The following APH1B variants were observed in gnomAD, a reference collection of about 807,000 sequenced individuals.
APH1B encodes the protein gamma-secretase subunit APH-1B.
A neutral mutation model predicts 28.2 loss-of-function variants in APH1B; 27 were observed. The observed-to-expected ratio is 0.96, with a 90% confidence interval of 0.70 to 1.32. The LOEUF (loss-of-function observed/expected upper bound fraction) is 1.32, where lower values mean the gene tolerates loss of function less well. APH1B is among the 40% of genes most tolerant of loss of function. APH1B has a pLI of 0.00. For missense variants in APH1B, 305 were observed against 313.6 expected (o/e 0.97, Z 0.21); for synonymous variants, 141 against 124.6 (o/e 1.13, Z -0.88).
At chr15:63,293,075 A>G (rs1595762120) in intron 4 of APH1B, among the ~76,000 whole-genome samples, 1 of 151,680 alleles carries the variant, frequency 6.6e-6, no homozygotes, top group South Asian at 2.1e-4. Context: ...TTCTCTATAG[A>G]CCTTGTTTCT....
intron 4 of APH1B, among the ~76,000 whole-genome samples, chr15:63,293,935 T>C (rs2038534824): frequency 6.6e-6 from 1 of 152,022 alleles, no homozygotes; most frequent in Admixed American, 6.5e-5. Flanking sequence ...GCTAATTTTT[T>C]TTTTTTTCCT....
chr15:63,304,716 C>A lies in APH1B; in HGVS notation c.607-898C>A, dbSNP rs1380310102. Among the ~76,000 whole-genome samples the A allele has an allele frequency of 6.6e-6, 1 of 152,068 alleles. No individual in the cohort carries two copies. Among genetic ancestry groups the A allele is most frequent in the Non-Finnish European group, 1.5e-5 (1 of 67,998 alleles). On this transcript the variant is annotated intron_variant, in intron 5 of 5. Coordinates refer to ENST00000261879, the MANE Select transcript of APH1B (RefSeq NM_031301.4). This position sits in a 1 kb window ranked among gnomAD's most constrained non-coding sequence, Gnocchi z 5.1. ...TTGGGTTGTAATTTTCTACAACAAT[C>A]ATGTATTGCTTTTGTAATTGTTTAA...
chr15:63,280,482 CTT>C (rs150565743), intron 2 of APH1B, among the ~76,000 whole-genome samples: 9,929 of 152,280 alleles, frequency 0.065, 448 homozygotes, highest in Middle Eastern at 0.16. Context: ...AACAACAACT[CTT>C]TTCATAGGCT....
At chr15:63,284,416 G>C (rs1267530856) in intron 2 of APH1B, among the ~76,000 whole-genome samples, 11 of 152,078 alleles carry the variant, frequency 7.2e-5, no homozygotes, top group Non-Finnish European at 8.8e-5. Context: ...GATTCACCAT[G>C]TTGCCCAACC....
chr15:63,297,390 C>G (rs1296744044), intron 4 of APH1B, among the ~76,000 whole-genome samples: 1 of 151,994 alleles, frequency 6.6e-6, no homozygotes, highest in East Asian at 1.9e-4. Context: ...TTAGTCGGGC[C>G]TGGTGGTGCA....
At chr15:63,305,465 C>T in intron 5 of APH1B, 149 bp from the exon 6 acceptor site, 1 of 844,654 alleles carries the variant, frequency 1.2e-6, no homozygotes, top group Non-Finnish European at 1.8e-6. Context: ...CTACATGCCT[C>T]AGGGCCTTAA....
At position 63,306,461 on chromosome 15, in the gene APH1B, A is replaced by C. The variant is rs1232464654; in HGVS notation, c.*680A>C. ...TTTCTGAGGCATTACATTGTTTTTG[A>C]GTATAGATTACATTTTATTAACTAA... On this transcript the variant is annotated 3_prime_UTR_variant, in exon 6 of 6. Coordinates refer to ENST00000261879, the MANE Select transcript of APH1B (RefSeq NM_031301.4). The C allele has an allele frequency of 6.6e-6, 1 of 152,224 alleles. No homozygotes were observed. The highest frequency in any genetic ancestry group is 1.5e-5 in the Non-Finnish European group (1 of 68,052). The allele number at this position is 152,224 out of a possible 1,614,324, so 9.4% of individuals were successfully genotyped here. A position where few individuals can be genotyped will look rare whatever the true frequency, so the allele number is the denominator to read the frequency against.
intron 1 of APH1B, chr15:63,278,440 C>T (rs1399810976): frequency 2.3e-6 from 1 of 439,756 alleles, no homozygotes; most frequent in Non-Finnish European, 4.6e-6. Flanking sequence ...TGATGAGTCT[C>T]TCTTGGCACC....
intron 4 of APH1B, 69 bp downstream of exon 4, chr15:63,287,615 G>A: frequency 6.5e-7 from 1 of 1,533,394 alleles, no homozygotes; most frequent in Non-Finnish European, 8.8e-7. Context: ...GGGTTCACTG[G>A]CTTAGGAATT....
chr15:63,305,738 G>A lies in APH1B; in HGVS notation c.731G>A (p.Cys244Tyr). ...CGAAGCCTGAAACTCTGCCTGCTCTGCCAAGACAAGAACTTTCTTCTTTAC... is the reference window on the plus strand; with the variant it reads ...CGAAGCCTGAAACTCTGCCTGCTCTACCAAGACAAGAACTTTCTTCTTTAC... Reference protein sequence around the residue: ...SCRSLKLCLLCQDKNFLLYNQ... With the variant: ...SCRSLKLCLLYQDKNFLLYNQ... Residue 244 changes from cysteine to tyrosine, a missense_variant, in exon 6 of 6, where the codon TGC becomes TAC. By Grantham distance (194) the Cys-to-Tyr change is radical. Transcript: ENST00000261879. 6.2e-7 allele frequency: 1 copy of A among 1,614,152 alleles called. No individual in the cohort carries two copies. Among genetic ancestry groups the A allele is most frequent in the Non-Finnish European group, 8.5e-7 (1 of 1,180,032 alleles).
intron 5 of APH1B, 126 bp from the exon 6 acceptor site, chr15:63,305,488 A>G (rs2038676390): frequency 2.8e-6 from 3 of 1,069,216 alleles, no homozygotes; most frequent in Non-Finnish European, 4.1e-6. Context: ...CATGACACAC[A>G]TCATACGTTT....
chr15:63,305,825 G>T lies in APH1B; in HGVS notation c.*44G>T. Reference sequence around the variant, plus strand: ...TCCCAAACCGCAGACTACATCTTTAGAGGAAGCACAACTGTGCCTTTTTCT... The same window carrying T: ...TCCCAAACCGCAGACTACATCTTTATAGGAAGCACAACTGTGCCTTTTTCT... On this transcript the variant is annotated 3_prime_UTR_variant, in exon 6 of 6. Coordinates refer to ENST00000261879, the MANE Select transcript of APH1B (RefSeq NM_031301.4). 6.3e-7 allele frequency: 1 copy of T among 1,581,260 alleles called. No individual in the cohort carries two copies. Among genetic ancestry groups the T allele is most frequent in the South Asian group, 1.2e-5 (1 of 85,614 alleles).
At chr15:63,294,337 C>T (rs370016429) in intron 4 of APH1B, among the ~76,000 whole-genome samples, 1 of 152,150 alleles carries the variant, frequency 6.6e-6, no homozygotes, top group Admixed American at 6.5e-5. Context: ...TCTAGCCCCG[C>T]CCCCCGGCAA....
intron 4 of APH1B, among the ~76,000 whole-genome samples, chr15:63,292,161 A>G (rs1361239087): frequency 2.0e-5 from 3 of 152,220 alleles, no homozygotes; most frequent in Non-Finnish European, 4.4e-5. Context: ...CTCAATACCT[A>G]CATTTCCAAA....
rs1185368520 is a variant in APH1B, at chr15:63,305,678, G to T, written c.671G>T (p.Gly224Val). ...GCATTTATAATCCTGGTGCTCATGG[G>T]CACCTGGGCATTCTTAGCTGCGGGA... ...ASAFIILVLM[G>V]TWAFLAAGGS... Residue 224 changes from glycine (G) to valine (V), a missense_variant, in exon 6 of 6, where the codon GGC becomes GTC. Transcript: ENST00000261879. 8 of 1,614,136 alleles carry T rather than the reference G, an allele frequency of 5.0e-6. No individual in the cohort carries two copies. The highest frequency in any genetic ancestry group is 6.8e-6 in the Non-Finnish European group (8 of 1,180,028).
At chr15:63,286,273 G>A (rs999278370) in intron 2 of APH1B, among the ~76,000 whole-genome samples, 1 of 152,054 alleles carries the variant, frequency 6.6e-6, no homozygotes, top group Non-Finnish European at 1.5e-5. Flanking sequence ...AAAGTGTTGC[G>A]GTTTTTATCT....
chr15:63,288,420 C>A (rs1217010646), intron 4 of APH1B, among the ~76,000 whole-genome samples: 2 of 152,202 alleles, frequency 1.3e-5, no homozygotes, highest in African/African-American at 4.8e-5. Context: ...GATCCCCAAG[C>A]CCAGTGGACA....
chr15:63,298,400 A>AGG (rs2038590134), intron 4 of APH1B, among the ~76,000 whole-genome samples: 1 of 152,082 alleles, frequency 6.6e-6, no homozygotes, highest in Non-Finnish European at 1.5e-5. Flanking sequence ...TTGTAGAGAC[A>AGG]GGGTTTTCTT....
In APH1B at chr15:63,287,414, T is replaced by C. The variant is rs2038458634; in HGVS notation, c.356-10T>C. On this transcript the variant is annotated splice_polypyrimidine_tract_variant and intron_variant, in intron 3 of 5. Transcript: ENST00000261879. ...GGAAAAGAGTTAACAGTGTTTTTCT[T>C]CCTGTTTAGTTTCTGGCTTGGGCTT... is the stretch of plus-strand genomic sequence containing the variant. 6.2e-7 allele frequency: 1 copy of C among 1,613,248 alleles called. No individual in the cohort carries two copies. Among genetic ancestry groups the C allele is most frequent in the African/African-American group, 1.3e-5 (1 of 75,004 alleles).
Sources: gnomAD v4.1 joint callset for allele counts (sites outside exome capture counted in the v4.1 genomes callset) on GRCh38, gnomAD v4.1.1 for gene constraint, Gnocchi (gnomAD v3.1) non-coding constraint, MANE v1.5 for transcripts, NCBI Gene and HGNC (gene_info 2026-07-23, HGNC 2026-07-21) for gene names.